The following GPR146 variants were observed in gnomAD, a reference collection of about 807,000 sequenced individuals.
The protein encoded by GPR146 is G protein-coupled receptor 146.
For synonymous variants in GPR146, 203 were observed against 104.3 expected, an observed-to-expected ratio of 1.95 and a Z score of -5.77; for missense variants, 381 against 213.9, an observed-to-expected ratio of 1.78 and a Z score of -4.87.
intron 1 of GPR146, among the ~76,000 whole-genome samples, chr7:1,049,165 C>T (rs1057018790): frequency 4.6e-5 from 7 of 152,238 alleles, no homozygotes; most frequent in South Asian, 2.1e-4. Flanking sequence ...TGGGGTGTGA[C>T]GGGGCCCATG....
intron 1 of GPR146, among the ~76,000 whole-genome samples, chr7:1,047,959 G>A (rs1352231039): frequency 6.6e-6 from 1 of 152,164 alleles, no homozygotes; most frequent in Non-Finnish European, 1.5e-5. Context: ...GGCTGCTGCA[G>A]CACACATAAA....
At chr7:1,047,144 C>T (rs566752695) in intron 1 of GPR146, among the ~76,000 whole-genome samples, 1 of 152,314 alleles carries the variant, frequency 6.6e-6, no homozygotes, top group Non-Finnish European at 1.5e-5. Flanking sequence ...GCCAAGTAAA[C>T]AAAAGAATGC....
At chr7:1,048,257 C>T (rs929315438) in intron 1 of GPR146, among the ~76,000 whole-genome samples, 24 of 152,312 alleles carry the variant, frequency 1.6e-4, no homozygotes, top group African/African-American at 5.3e-4. Context: ...GACTTGCCGG[C>T]CCCAGCTCTG....
At chr7:1,050,276 G>A (rs1782976222) in intron 1 of GPR146, among the ~76,000 whole-genome samples, 1 of 152,238 alleles carries the variant, frequency 6.6e-6, no homozygotes, top group South Asian at 2.1e-4. Flanking sequence ...TCTCCAGGGA[G>A]CTGCACACAC....
At chr7:1,053,614 G>A (rs1783388013) in intron 1 of GPR146, among the ~76,000 whole-genome samples, 1 of 152,182 alleles carries the variant, frequency 6.6e-6, no homozygotes, top group Non-Finnish European at 1.5e-5. Context: ...GATCACCTGA[G>A]GTCGGGAGTT....
chr7:1,054,376 A>G (rs781426076), intron 1 of GPR146, among the ~76,000 whole-genome samples: 1 of 152,188 alleles, frequency 6.6e-6, no homozygotes, highest in Non-Finnish European at 1.5e-5. Flanking sequence ...ATCCTTCAGT[A>G]TTTGTCAGCT....
In GPR146 at chr7:1,053,700, G is replaced by A. The variant is rs185796910; in HGVS notation, c.-24-3792G>A. Among the ~76,000 whole-genome samples the A allele has an allele frequency of 5.9e-3, 896 of 152,302 alleles. 8 individuals carry two copies. The highest frequency in any genetic ancestry group is 0.027 in the Middle Eastern group (8 of 294). On this transcript the variant is annotated intron_variant, in intron 1 of 1. Coordinates refer to ENST00000444847, the MANE Select transcript of GPR146 (RefSeq NM_001303473.2). ...AAATTAGCTGGGTGTGGTGGCAGTCGCCTGTAATCCCAGCTATTCGGGAGG... is the reference window on the plus strand; with the variant it reads ...AAATTAGCTGGGTGTGGTGGCAGTCACCTGTAATCCCAGCTATTCGGGAGG...
At chr7:1,054,564 C>T (rs373696759) in intron 1 of GPR146, among the ~76,000 whole-genome samples, 1 of 152,230 alleles carries the variant, frequency 6.6e-6, no homozygotes. Context: ...GACCGCCTCC[C>T]AAGAATCGAG....
intron 1 of GPR146, among the ~76,000 whole-genome samples, 169 bp downstream of exon 1, chr7:1,044,827 G>A (rs1264182832): frequency 1.3e-5 from 2 of 152,248 alleles, no homozygotes; most frequent in Admixed American, 6.5e-5. Context: ...CTTGCCAGGA[G>A]GGGACCGCTG....
intron 1 of GPR146, chr7:1,055,361 C>T (rs564379826): frequency 1.1e-5 from 5 of 470,898 alleles, no homozygotes; most frequent in African/African-American, 1.0e-4. Context: ...TGCGGGTTTG[C>T]AGAGAAGCGC....
At chr7:1,045,347 C>G (rs766337600) in intron 1 of GPR146, 8 of 152,320 alleles carry the variant, frequency 5.3e-5, no homozygotes, top group Non-Finnish European at 1.0e-4. Context: ...CCTTTGATCT[C>G]TTCCCTGCCC....
chr7:1,045,740 TGAA>T (rs947267172), intron 1 of GPR146: 1 of 152,264 alleles, frequency 6.6e-6, no homozygotes, highest in African/African-American at 2.4e-5. Context: ...TCTTCCTCAA[TGAA>T]GAAGGCCTCT....
rs1307075175 is a variant in GPR146 at position 1,058,645 on chromosome 7, G to C, written c.*128G>C. 2 of 613,194 alleles carry C rather than the reference G, an allele frequency of 3.3e-6. No individual in the cohort carries two copies. The highest frequency in any genetic ancestry group is 3.0e-5 in the Admixed American group (1 of 33,434). The allele number at this position is 613,194 out of a possible 1,614,324, so 38.0% of individuals were successfully genotyped here. A position where few individuals can be genotyped will look rare whatever the true frequency, so the allele number is the denominator to read the frequency against. On this transcript the variant is annotated 3_prime_UTR_variant, in exon 2 of 2. Coordinates refer to ENST00000444847, the MANE Select transcript of GPR146 (RefSeq NM_001303473.2). ...GAGAAGCAGGAGGGGTGTTTTTCTT[G>C]AAGTTTCCTTTTTCCCACAAATGCC...
Position 1,058,217 on chromosome 7 carries a change from G to A in GPR146, c.702G>A (p.Leu234=). 1.3e-6 allele frequency: 1 copy of A among 754,746 alleles called. No individual in the cohort carries two copies. Among genetic ancestry groups the A allele is most frequent in the Admixed American group, 1.8e-5 (1 of 55,640 alleles). The allele number at this position is 754,746 out of a possible 1,614,324, so 46.8% of individuals were successfully genotyped here. ...GGCTGGAGCCCTCGGCACACAGGCT[G>A]CTGGTGGCCACCGTGTGCACGCAGT... ...TGRLEPSAHR[L]LVATVCTQFG... Residue 234 remains leucine, a synonymous_variant, in exon 2 of 2, where the codon CTG becomes CTA. Coordinates refer to ENST00000444847, the MANE Select transcript of GPR146 (RefSeq NM_001303473.2).
At chr7:1,054,508 C>T (rs985642754) in intron 1 of GPR146, among the ~76,000 whole-genome samples, 3 of 152,348 alleles carry the variant, frequency 2.0e-5, no homozygotes, top group African/African-American at 4.8e-5. Context: ...GCGAGTGGGA[C>T]GCACGTGAGC....
intron 1 of GPR146, among the ~76,000 whole-genome samples, chr7:1,049,528 A>G (rs56038940): frequency 0.021 from 3,233 of 152,328 alleles, 46 homozygotes; most frequent in Non-Finnish European, 0.029. Flanking sequence ...TGCCCGCTCC[A>G]GAGCCCAGGC....
chr7:1,058,415 C>G lies in GPR146; in HGVS notation c.900C>G (p.Asn300Lys). The G allele has an allele frequency of 3.8e-6, 3 of 780,760 alleles. No homozygotes were observed. The highest frequency in any genetic ancestry group is 7.2e-6 in the Non-Finnish European group (3 of 418,144). 48.4% of individuals were successfully genotyped at this position (780,760 alleles called of 1,614,324 possible). ...FVTPLLYRYM[N>K]QSFPSKLQRL... ...CACCACTTCTCTACCGCTACATGAACCAGAGCTTCCCCAGCAAGCTCCAAC... is the reference window on the plus strand; with the variant it reads ...CACCACTTCTCTACCGCTACATGAAGCAGAGCTTCCCCAGCAAGCTCCAAC... The change falls in exon 2 of 2, where the codon AAC (asparagine) becomes AAG (lysine). Residue 300 changes from asparagine (N) to lysine (K), a missense_variant. Transcript: ENST00000444847.
rs1196349131 is a variant in GPR146, at chr7:1,057,615, C to T, written c.100C>T (p.Leu34=). 1.3e-6 allele frequency: 1 copy of T among 770,374 alleles called. No individual in the cohort carries two copies. Among genetic ancestry groups the T allele is most frequent in the South Asian group, 1.4e-5 (1 of 73,436 alleles). 47.7% of individuals were successfully genotyped at this position (770,374 alleles called of 1,614,324 possible). A position where few individuals can be genotyped will look rare whatever the true frequency, so the allele number is the denominator to read the frequency against. Residue 34 remains leucine (L), a synonymous_variant, in exon 2 of 2, where the codon CTG becomes TTG. Transcript: ENST00000444847. ...LGLSLLSLLG[L]VVGVPVGLCY... ...GCTGTCACTGTTGTCGCTGCTGGGCCTGGTGGTGGGCGTGCCAGTGGGCCT... is the reference window on the plus strand; with the variant it reads ...GCTGTCACTGTTGTCGCTGCTGGGCTTGGTGGTGGGCGTGCCAGTGGGCCT...
At chr7:1,047,539 A>T (rs1782693258) in intron 1 of GPR146, among the ~76,000 whole-genome samples, 2 of 152,254 alleles carry the variant, frequency 1.3e-5, no homozygotes, top group Non-Finnish European at 2.9e-5. Context: ...TAGGAGCTGG[A>T]TGTTAATTGT....
Sources: gnomAD v4.1 joint callset for allele counts (sites outside exome capture counted in the v4.1 genomes callset) on GRCh38, gnomAD v4.1.1 for gene constraint, MANE v1.5 for transcripts, NCBI Gene and HGNC (gene_info 2026-07-23, HGNC 2026-07-21) for gene names.